MEF2A: variants seen among roughly 807,000 people sequenced by gnomAD.
The protein encoded by MEF2A is myocyte enhancer factor 2A.
In MEF2A, 28 loss-of-function variants were observed where a neutral mutation model predicts 55.8. The ratio of observed to expected loss-of-function variants is 0.50; its 90% CI spans 0.37 to 0.69. The LOEUF (loss-of-function observed/expected upper bound fraction) is 0.69. MEF2A is among the 30% of genes least tolerant of loss of function. MEF2A has a pLI of 0.00. For synonymous variants in MEF2A, 239 were observed against 227.1 expected (o/e 1.05, Z -0.47); for missense variants, 528 against 626.2 (o/e 0.84, Z 1.67).
In MEF2A at chr15:99,660,882, A is replaced by G. The variant is rs190173468; in HGVS notation, c.259-10441A>G. ...GAAATATCAATCAGAATCCCAAGAAATACTTTTTGAAAGAACTTCAACAAC... is the reference window on the plus strand; with the variant it reads ...GAAATATCAATCAGAATCCCAAGAAGTACTTTTTGAAAGAACTTCAACAAC... On this transcript the variant is annotated intron_variant, in intron 4 of 11. Transcript: ENST00000557942. Among the ~76,000 whole-genome samples the G allele has an allele frequency of 1.2e-4, 18 of 152,354 alleles. No individual in the cohort carries two copies. In the East Asian group the frequency reaches 2.5e-3, roughly 21 times the overall value.
At chr15:99,635,444 CTT>C (rs1208904904) in intron 3 of MEF2A, among the ~76,000 whole-genome samples, 1 of 152,166 alleles carries the variant, frequency 6.6e-6, no homozygotes, top group Non-Finnish European at 1.5e-5. Flanking sequence ...ATCTAGAACA[CTT>C]TTAAAAAAGT....
chr15:99,666,141 C>G (rs978958890), intron 4 of MEF2A, among the ~76,000 whole-genome samples: 1 of 152,038 alleles, frequency 6.6e-6, no homozygotes, highest in South Asian at 2.1e-4. Context: ...TGCACACATA[C>G]GTTTACTGCG....
chr15:99,567,688 TTTC>T (rs1960320800), intron 1 of MEF2A, among the ~76,000 whole-genome samples: 2 of 151,390 alleles, frequency 1.3e-5, no homozygotes, highest in Admixed American at 6.6e-5. Context: ...TCAGTCTCCA[TTTC>T]TTTTTCTGTA....
At position 99,699,461 on chromosome 15, in the gene MEF2A, G is replaced by GCTGTTTTGTTAGATGCATGGGT. The variant is rs565896805; in HGVS notation, c.859-3896_859-3875dup. Among the ~76,000 whole-genome samples, 32 of 152,316 alleles carry GCTGTTTTGTTAGATGCATGGGT rather than the reference G, an allele frequency of 2.1e-4. No homozygotes were observed. The South Asian group carries it at 5.0e-3, about 24-fold the overall frequency. On this transcript the variant is annotated intron_variant, in intron 8 of 11. Transcript: ENST00000557942. ...AGGTGATGGAACTAATCTGTGTGAT[G>GCTGTTTTGTTAGATGCATGGGT]CTGTTTTGTTAGATGCATGGGTCTG...
At chr15:99,585,104 C>T (rs1483186293) in intron 1 of MEF2A, among the ~76,000 whole-genome samples, 2 of 152,148 alleles carry the variant, frequency 1.3e-5, no homozygotes, top group African/African-American at 4.8e-5. Context: ...TTTAACCTAC[C>T]TAGCACTTGG....
At chr15:99,652,858 GT>G (rs1275277925) in intron 4 of MEF2A, among the ~76,000 whole-genome samples, 1 of 152,202 alleles carries the variant, frequency 6.6e-6, no homozygotes, top group African/African-American at 2.4e-5. Context: ...TTGTACTGAT[GT>G]TTGTCGTACT....
rs369552532 is a variant in MEF2A at position 99,690,398 on chromosome 15, C to T, written c.828C>T (p.Pro276=). ...AACCAGATCTTCGAGTTGTCATCCCCCCTTCAAGCAAGGGCATGATGCCTC... is the reference window on the plus strand; with the variant it reads ...AACCAGATCTTCGAGTTGTCATCCCTCCTTCAAGCAAGGGCATGATGCCTC... ...SRKPDLRVVI[P]PSSKGMMPPL... Residue 276 remains proline, a synonymous_variant, in exon 8 of 12, where the codon CCC becomes CCT. Transcript: ENST00000557942. 2.6e-5 allele frequency: 42 copies of T among 1,604,732 alleles called. No homozygotes were observed. Among genetic ancestry groups the T allele is most frequent in the Non-Finnish European group, 2.6e-5 (31 of 1,174,020 alleles).
chr15:99,636,430 C>G (rs1391613896), intron 3 of MEF2A, among the ~76,000 whole-genome samples: 2 of 152,218 alleles, frequency 1.3e-5, no homozygotes, highest in East Asian at 1.9e-4. Context: ...CACTGTAACT[C>G]AAACTTTTGG....
chr15:99,692,413 G>A (rs1273316829), intron 8 of MEF2A, among the ~76,000 whole-genome samples: 1 of 152,138 alleles, frequency 6.6e-6, no homozygotes, highest in Non-Finnish European at 1.5e-5. Flanking sequence ...AAAGTTCATA[G>A]TTTTCCTTGA....
At chr15:99,699,952 A>ATGTGTGTGTGTGTG (rs752346994) in intron 8 of MEF2A, among the ~76,000 whole-genome samples, 38 of 130,662 alleles carry the variant, frequency 2.9e-4, no homozygotes, top group African/African-American at 9.5e-4. Context: ...AAGAGTTTAT[A>ATGTGTGTGTGTGTG]TGTGTGTGTG....
At chr15:99,697,056 A>T (rs911177521) in intron 8 of MEF2A, among the ~76,000 whole-genome samples, 3 of 26,760 alleles carry the variant, frequency 1.1e-4, no homozygotes, top group East Asian at 2.4e-3. Context: ...TCATCATTTA[A>T]AAAAAAAAAT....
chr15:99,706,890 C>T (rs376932901), intron 10 of MEF2A, 35 bp downstream of exon 10: 54 of 1,597,318 alleles, frequency 3.4e-5, no homozygotes, highest in African/African-American at 6.7e-5. Context: ...TAGGTTTTAC[C>T]GCTCTCTGTT....
chr15:99,702,764 CATTTT>C (rs1255858802), intron 8 of MEF2A, among the ~76,000 whole-genome samples: 2 of 152,174 alleles, frequency 1.3e-5, no homozygotes, highest in Non-Finnish European at 2.9e-5. Flanking sequence ...CCATTGAAGT[CATTTT>C]ATTCACATGA....
intron 4 of MEF2A, among the ~76,000 whole-genome samples, chr15:99,670,086 A>T (rs933618397): frequency 8.5e-5 from 13 of 152,144 alleles, no homozygotes; most frequent in African/African-American, 2.9e-4. Context: ...ACCCACTAGG[A>T]TTTTTTAAAA....
Sources: allele counts gnomAD v4.1 joint callset (sites outside exome capture counted in the v4.1 genomes callset), GRCh38; gene constraint gnomAD v4.1.1; transcripts MANE v1.5; gene names NCBI Gene and HGNC (gene_info 2026-07-23, HGNC 2026-07-21).